FBXO28: variants seen among roughly 807,000 people sequenced by gnomAD.
FBXO28 encodes F-box protein 28.
FBXO28 carries 8 observed loss-of-function variants against 38.1 expected under a neutral mutation model. That is an observed-to-expected ratio of 0.21 (90% CI 0.12 to 0.38). The LOEUF (loss-of-function observed/expected upper bound fraction) is 0.38, where lower values mean the gene tolerates loss of function less well. Ranked by LOEUF, FBXO28 falls within the 10% of genes least tolerant of loss-of-function variation. FBXO28 has a pLI of 1.00. For missense variants in FBXO28, 345 were observed against 460.6 expected (o/e 0.75, Z 2.30); for synonymous variants, 168 against 173.8 (o/e 0.97, Z 0.26).
intron 1 of FBXO28, among the ~76,000 whole-genome samples, chr1:224,128,407 G>C (rs963752228): frequency 6.6e-6 from 1 of 151,758 alleles, no homozygotes; most frequent in Admixed American, 6.6e-5. Context: ...AGATAAGAAA[G>C]ATGCTAGGAT....
intron 1 of FBXO28, 39 bp from the exon 2 acceptor site, chr1:224,130,433 A>T: frequency 7.6e-7 from 1 of 1,307,770 alleles, no homozygotes; most frequent in Non-Finnish European, 1.1e-6. Flanking sequence ...GTCTCTTATT[A>T]ATTTGGTTAT....
intron 1 of FBXO28, among the ~76,000 whole-genome samples, chr1:224,125,083 C>T (rs1298190932): frequency 1.3e-5 from 2 of 151,584 alleles, no homozygotes; most frequent in East Asian, 3.9e-4. Context: ...TCTTTCCTTA[C>T]AATATTGCCT....
At chr1:224,136,969 C>G (rs997455436) in intron 3 of FBXO28, among the ~76,000 whole-genome samples, 1 of 151,140 alleles carries the variant, frequency 6.6e-6, no homozygotes, top group African/African-American at 2.4e-5. Context: ...CCAGGCTGGC[C>G]TCAAACTCCT....
chr1:224,123,576 G>T (rs1210693676), intron 1 of FBXO28, among the ~76,000 whole-genome samples: 1 of 151,824 alleles, frequency 6.6e-6, no homozygotes, highest in East Asian at 1.9e-4. Flanking sequence ...TCGTGGTGGT[G>T]CCTTTTTTTT....
intron 2 of FBXO28, among the ~76,000 whole-genome samples, chr1:224,133,868 A>G (rs762980198): frequency 9.2e-5 from 14 of 151,806 alleles, no homozygotes; most frequent in Non-Finnish European, 1.6e-4. Flanking sequence ...TTTGTTTTCA[A>G]ATATTTTGTC....
rs1177204477 is a variant in FBXO28, at chr1:224,159,365, T to C, written c.*1619T>C. 3.9e-5 allele frequency: 6 copies of C among 152,630 alleles called. No homozygotes were observed. The highest frequency in any genetic ancestry group is 2.6e-4 in the Admixed American group (4 of 15,276). 9.5% of individuals were successfully genotyped at this position (152,630 alleles called of 1,614,324 possible). Reference sequence around the variant, plus strand: ...TAACCTCACCAAATGAAGCTTTTTCTATCCATTTTTAATATTGTCCTTACA... The same window carrying C: ...TAACCTCACCAAATGAAGCTTTTTCCATCCATTTTTAATATTGTCCTTACA... On this transcript the variant is annotated 3_prime_UTR_variant, in exon 5 of 5. Transcript: ENST00000366862.
chr1:224,142,776 C>G (rs1249159973), intron 3 of FBXO28, among the ~76,000 whole-genome samples: 2 of 151,940 alleles, frequency 1.3e-5, no homozygotes, highest in African/African-American at 4.8e-5. Context: ...TGGTGAAACC[C>G]TGTCTCTACT....
At chr1:224,134,984 A>T (rs1238197348) in intron 3 of FBXO28, among the ~76,000 whole-genome samples, 1 of 152,190 alleles carries the variant, frequency 6.6e-6, no homozygotes, top group Non-Finnish European at 1.5e-5. Flanking sequence ...GATAATTTAC[A>T]TTGGCAATAT....
At chr1:224,154,564 T>G (rs1156905651) in intron 4 of FBXO28, among the ~76,000 whole-genome samples, 1 of 151,592 alleles carries the variant, frequency 6.6e-6, no homozygotes, top group East Asian at 1.9e-4. Flanking sequence ...ATCCCAGCAC[T>G]TTGGGAGGCC....
At chr1:224,142,351 C>CA (rs35716896) in intron 3 of FBXO28, among the ~76,000 whole-genome samples, 24,671 of 131,712 alleles carry the variant, frequency 0.19, 2,211 homozygotes, top group Middle Eastern at 0.31. Flanking sequence ...GACTCTGCCT[C>CA]AAAAAAAAAA....
intron 3 of FBXO28, among the ~76,000 whole-genome samples, chr1:224,143,244 GA>G (rs989766368): frequency 6.6e-6 from 1 of 150,560 alleles, no homozygotes; most frequent in Non-Finnish European, 1.5e-5. Context: ...AAGAGAAGGA[GA>G]AAAAAAAATC....
intron 1 of FBXO28, among the ~76,000 whole-genome samples, chr1:224,129,805 CA>C (rs1410794310): frequency 6.6e-6 from 1 of 152,038 alleles, no homozygotes; most frequent in Non-Finnish European, 1.5e-5. Flanking sequence ...CTGGCTAACA[CA>C]GTGAAACCCC....
intron 1 of FBXO28, among the ~76,000 whole-genome samples, chr1:224,118,005 ATTTATTT>A (rs1558185443): frequency 0.013 from 380 of 28,690 alleles, 3 homozygotes; most frequent in African/African-American, 0.037. Flanking sequence ...TAATTAATTT[ATTTATTT>A]ATTTATTTAT....
At chr1:224,143,285 G>T (rs928059507) in intron 3 of FBXO28, among the ~76,000 whole-genome samples, 3 of 152,024 alleles carry the variant, frequency 2.0e-5, no homozygotes, top group African/African-American at 7.2e-5. Flanking sequence ...TGTCTGTTTA[G>T]TTTGTGCATT....
At chr1:224,143,218 CA>C (rs1161345004) in intron 3 of FBXO28, among the ~76,000 whole-genome samples, 2,674 of 63,352 alleles carry the variant, frequency 0.042, 57 homozygotes, top group African/African-American at 0.12. Flanking sequence ...GACTCTGTCT[CA>C]AAAAAAAAAA....
At chr1:224,129,622 A>C (rs1475841611) in intron 1 of FBXO28, among the ~76,000 whole-genome samples, 4 of 152,214 alleles carry the variant, frequency 2.6e-5, no homozygotes, top group Non-Finnish European at 5.9e-5. Flanking sequence ...CAGAATGTCC[A>C]ACAAACACCT....
At chr1:224,150,977 A>G (rs1657628629) in intron 3 of FBXO28, among the ~76,000 whole-genome samples, 1 of 152,208 alleles carries the variant, frequency 6.6e-6, no homozygotes, top group Admixed American at 6.5e-5. Flanking sequence ...TGTTTATCTT[A>G]CAAGTTATGA....
intron 1 of FBXO28, among the ~76,000 whole-genome samples, chr1:224,128,591 G>T (rs1464261390): frequency 6.6e-6 from 1 of 152,120 alleles, no homozygotes; most frequent in East Asian, 1.9e-4. Flanking sequence ...ACAGGTAGCT[G>T]ACTCAGGTTT....
At chr1:224,151,701 T>TA (rs1482246573) in intron 3 of FBXO28, among the ~76,000 whole-genome samples, 2 of 152,124 alleles carry the variant, frequency 1.3e-5, no homozygotes, top group African/African-American at 4.8e-5. Context: ...CCTCAGTTCT[T>TA]ACGAGGTTAA....
Sources: allele counts gnomAD v4.1 joint callset (sites outside exome capture counted in the v4.1 genomes callset), GRCh38; gene constraint gnomAD v4.1.1; transcripts MANE v1.5; gene names NCBI Gene and HGNC (gene_info 2026-07-23, HGNC 2026-07-21).